Variants in SUGCT observed in about 807,000 individuals in gnomAD.
SUGCT encodes the protein succinyl-CoA:glutarate-CoA transferase.
In SUGCT, 41 loss-of-function variants were observed where a neutral mutation model predicts 55.0. The observed-to-expected ratio is 0.74, with a 90% CI of 0.58 to 0.97. SUGCT has a LOEUF of 0.97. Ranked by LOEUF, SUGCT falls within the 50% of genes least tolerant of loss-of-function variation. The probability of loss-of-function intolerance (pLI) is 0.00; values close to 1 mark genes in which losing one functional copy is unlikely to be tolerated. For missense variants in SUGCT, 568 were observed against 547.8 expected (o/e 1.04, Z -0.37); for synonymous variants, 187 against 200.4 (o/e 0.93, Z 0.56).
intron 9 of SUGCT, among the ~76,000 whole-genome samples, chr7:40,336,930 G>C (rs1477500862): frequency 6.6e-6 from 1 of 152,198 alleles, no homozygotes. Context: ...ATGTGTCCCA[G>C]AGATTCTGGT....
intron 6 of SUGCT, among the ~76,000 whole-genome samples, chr7:40,228,028 A>C (rs948928030): frequency 1.7e-4 from 26 of 152,020 alleles, no homozygotes; most frequent in Middle Eastern, 3.4e-3. Context: ...GATTACAGGC[A>C]TGCGCTACCA....
At chr7:40,216,610 C>T (rs979288920) in intron 6 of SUGCT, among the ~76,000 whole-genome samples, 12 of 150,058 alleles carry the variant, frequency 8.0e-5, no homozygotes, top group African/African-American at 2.9e-4. Context: ...TCAGCACTTT[C>T]GGAAGCCAAG....
intron 11 of SUGCT, among the ~76,000 whole-genome samples, chr7:40,495,069 C>A (rs1007017049): frequency 6.6e-6 from 1 of 151,930 alleles, no homozygotes; most frequent in Non-Finnish European, 1.5e-5. Context: ...CGCCACCATG[C>A]CTGGCTAAAT....
chr7:40,343,695 C>T (rs552476502), intron 9 of SUGCT, among the ~76,000 whole-genome samples: 16 of 152,006 alleles, frequency 1.1e-4, no homozygotes, highest in African/African-American at 3.4e-4. Flanking sequence ...CTCGCTCTGT[C>T]GCCCAGGCTG....
At chr7:40,288,732 A>C (rs1793519756) in intron 8 of SUGCT, among the ~76,000 whole-genome samples, 1 of 152,130 alleles carries the variant, frequency 6.6e-6, no homozygotes. Flanking sequence ...ATTCAACCAA[A>C]TATATCCAAA....
At chr7:40,208,846 A>T (rs1584347397) in intron 6 of SUGCT, among the ~76,000 whole-genome samples, 1 of 152,216 alleles carries the variant, frequency 6.6e-6, no homozygotes, top group East Asian at 1.9e-4. Flanking sequence ...CACCCGACTG[A>T]TTCTTACATG....
At chr7:40,250,915 C>T (rs2329771) in intron 7 of SUGCT, among the ~76,000 whole-genome samples, 57,214 of 148,296 alleles carry the variant, frequency 0.39, 11,588 homozygotes, top group East Asian at 0.5. Context: ...CAGCTCACTG[C>T]AACCTCTGCC....
intron 11 of SUGCT, among the ~76,000 whole-genome samples, chr7:40,489,777 A>T (rs1339931097): frequency 6.6e-6 from 1 of 152,156 alleles, no homozygotes; most frequent in Non-Finnish European, 1.5e-5. Context: ...TTTGTCATGC[A>T]CTTCACTGAT....
At chr7:41,036,120 G>A in the SUGCT span, among the ~76,000 whole-genome samples, 1 of 152,186 alleles carries the variant, frequency 6.6e-6, no homozygotes, top group Non-Finnish European at 1.5e-5. Flanking sequence ...CTGGTGCCAG[G>A]CTTATTATAG....
At chr7:41,011,956 C>T in the SUGCT span, among the ~76,000 whole-genome samples, 34 of 152,306 alleles carry the variant, frequency 2.2e-4, no homozygotes, top group African/African-American at 7.0e-4. Flanking sequence ...CAGTTCCCTT[C>T]ATCGGTGGTG....
At chr7:40,858,675 G>A (rs1161837928) in intron 13 of SUGCT, among the ~76,000 whole-genome samples, 2 of 152,176 alleles carry the variant, frequency 1.3e-5, no homozygotes, top group East Asian at 1.9e-4. Flanking sequence ...ATTCTTGGGA[G>A]AGCTGTGGAC....
chr7:40,159,817 C>A (rs1309949122), intron 1 of SUGCT, among the ~76,000 whole-genome samples: 3 of 152,146 alleles, frequency 2.0e-5, no homozygotes. Flanking sequence ...TAAACACCTA[C>A]CTTTCTTCTG....
chr7:40,467,357 T>C (rs1045686525), intron 11 of SUGCT, among the ~76,000 whole-genome samples: 4 of 152,144 alleles, frequency 2.6e-5, no homozygotes, highest in African/African-American at 9.7e-5. Flanking sequence ...GCATGAGATA[T>C]TTTGATACAG....
At chr7:40,314,342 A>G (rs1175960821) in intron 8 of SUGCT, among the ~76,000 whole-genome samples, 1 of 152,324 alleles carries the variant, frequency 6.6e-6, no homozygotes, top group Middle Eastern at 3.4e-3. Flanking sequence ...GTGATTGACT[A>G]CTTGCACAGA....
At chr7:40,611,668 T>C (rs911793797) in intron 12 of SUGCT, among the ~76,000 whole-genome samples, 5 of 152,220 alleles carry the variant, frequency 3.3e-5, no homozygotes, top group African/African-American at 9.6e-5. Context: ...TCTTTTTGGG[T>C]ATCTGCCAAG....
chr7:40,489,673 C>G (rs546947401), intron 11 of SUGCT, among the ~76,000 whole-genome samples: 2 of 152,206 alleles, frequency 1.3e-5, no homozygotes, highest in South Asian at 4.1e-4. Flanking sequence ...GAGCGAGACT[C>G]TGTCTCAAAA....
At chr7:40,432,462 C>A (rs770603793) in intron 9 of SUGCT, among the ~76,000 whole-genome samples, 25 of 151,914 alleles carry the variant, frequency 1.6e-4, no homozygotes, top group Non-Finnish European at 3.2e-4. Context: ...CCGAGGTGGG[C>A]AGATCACGAG....
intron 13 of SUGCT, among the ~76,000 whole-genome samples, chr7:40,836,066 AT>A (rs11425879): frequency 2.9e-4 from 42 of 145,038 alleles, no homozygotes; most frequent in African/African-American, 2.3e-4. Flanking sequence ...TAATTTTTTA[AT>A]TTTTTTTTTT....
At chr7:41,025,657 T>G in the SUGCT span, among the ~76,000 whole-genome samples, 5 of 152,098 alleles carry the variant, frequency 3.3e-5, no homozygotes, top group South Asian at 2.1e-4. Flanking sequence ...GCCCAGCCAC[T>G]GTAAGAATAT....
Sources: allele counts gnomAD v4.1 joint callset (sites outside exome capture counted in the v4.1 genomes callset), GRCh38; gene constraint gnomAD v4.1.1; transcripts MANE v1.5; gene names NCBI Gene and HGNC (gene_info 2026-07-23, HGNC 2026-07-21).